The following RBFOX1 variants were observed in gnomAD, a reference collection of about 807,000 sequenced individuals.
The protein encoded by RBFOX1 is RNA binding protein fox-1 homolog 1.
Under a neutral mutation model 57.7 loss-of-function variants are expected in RBFOX1, and 8 were observed. The observed-to-expected ratio is 0.14, with a 90% CI of 0.08 to 0.25. The LOEUF is 0.25. Ranked by LOEUF, RBFOX1 falls within the 10% of genes least tolerant of loss-of-function variation. The pLI is 1.00. For synonymous variants in RBFOX1, 326 were observed against 222.4 expected (o/e 1.47, Z -4.15); for missense variants, 611 against 548.5 (o/e 1.11, Z -1.14).
intron 4 of RBFOX1, among the ~76,000 whole-genome samples, chr16:7,157,077 T>C (rs1255218099): frequency 6.6e-6 from 1 of 152,198 alleles, no homozygotes; most frequent in Non-Finnish European, 1.5e-5. Flanking sequence ...TTGATTATGC[T>C]ACTAAATATT....
intron 4 of RBFOX1, among the ~76,000 whole-genome samples, chr16:7,486,988 C>G (rs572743609): frequency 1.6e-3 from 250 of 152,278 alleles, no homozygotes; most frequent in African/African-American, 5.8e-3. Flanking sequence ...CAACCTCTGC[C>G]TCCCGGGTTC....
intron 3 of RBFOX1, among the ~76,000 whole-genome samples, chr16:7,031,779 A>T (rs995492273): frequency 6.6e-6 from 1 of 152,232 alleles, no homozygotes; most frequent in South Asian, 2.1e-4. Context: ...CACTGCAGAG[A>T]AGATGCAGAT....
chr16:7,513,888 A>C (rs1045495188), intron 4 of RBFOX1, among the ~76,000 whole-genome samples: 1 of 152,186 alleles, frequency 6.6e-6, no homozygotes, highest in Non-Finnish European at 1.5e-5. Flanking sequence ...TAAATTCCCC[A>C]AAAGATTCTG....
rs140384501 is a variant in RBFOX1, at chr16:5,760,228, A to G, written c.319-107075A>G. Among the ~76,000 whole-genome samples, 6 of 152,286 alleles carry G rather than the reference A, an allele frequency of 3.9e-5. No homozygotes were observed. The East Asian group carries it at 5.8e-4, about 15-fold the overall frequency. On this transcript the variant is annotated intron_variant, in intron 3 of 19. Transcript: ENST00000641259. ...CACATTCTGGAGAAACTGGAAATCT[A>G]TGGTCCCAGGCAAACAGAGACAGTT...
At chr16:7,308,228 G>T (rs1375034313) in intron 4 of RBFOX1, among the ~76,000 whole-genome samples, 8 of 151,400 alleles carry the variant, frequency 5.3e-5, no homozygotes, top group Non-Finnish European at 1.0e-4. Flanking sequence ...GTATGGTGAG[G>T]CAACAGACAG....
chr16:7,528,560 C>A (rs191786327), intron 5 of RBFOX1, among the ~76,000 whole-genome samples: 1 of 152,132 alleles, frequency 6.6e-6, no homozygotes, highest in Admixed American at 6.5e-5. Flanking sequence ...TCACTGCAGC[C>A]TGAAACTCCT....
intron 3 of RBFOX1, among the ~76,000 whole-genome samples, chr16:6,963,287 CTT>C (rs961691264): frequency 1.3e-5 from 2 of 148,882 alleles, no homozygotes; most frequent in South Asian, 2.1e-4. Flanking sequence ...TCAACAGTGA[CTT>C]TTTTTTTTGT....
chr16:6,306,151 G>A (rs114540044), intron 1 of RBFOX1, among the ~76,000 whole-genome samples: 3,052 of 152,298 alleles, frequency 0.02, 104 homozygotes, highest in African/African-American at 0.068. Context: ...CCTGGTGGGA[G>A]AGACAGGTAC....
At chr16:5,677,979 G>A (rs2151429924) in intron 3 of RBFOX1, among the ~76,000 whole-genome samples, 1 of 152,354 alleles carries the variant, frequency 6.6e-6, no homozygotes, top group East Asian at 1.9e-4. Flanking sequence ...TCATGGTGGA[G>A]CACCGTGGGG....
At position 7,126,953 on chromosome 16, in the gene RBFOX1, G is replaced by T. The variant is rs375578890; in HGVS notation, c.27+74855G>T. On this transcript the variant is annotated intron_variant, in intron 4 of 15. Transcript: ENST00000550418. ...AAACCCGGGAGGCAGAGGTTGCAGT[G>T]AGCCAAGATCGCGCCACTACACTGC... Among the ~76,000 whole-genome samples, 7 of 149,568 alleles carry T rather than the reference G, an allele frequency of 4.7e-5. No individual in the cohort carries two copies. In the South Asian group the frequency reaches 1.1e-3, roughly 23 times the overall value.
chr16:6,522,109 T>C (rs2096511716), intron 2 of RBFOX1, among the ~76,000 whole-genome samples: 1 of 152,010 alleles, frequency 6.6e-6, no homozygotes, highest in African/African-American at 2.4e-5. Context: ...TGAATCAATT[T>C]CCAAAGATTA....
chr16:6,446,968 T>C (rs1237545293), intron 2 of RBFOX1, among the ~76,000 whole-genome samples: 1 of 152,190 alleles, frequency 6.6e-6, no homozygotes, highest in African/African-American at 2.4e-5. Flanking sequence ...GTGTTTTGCC[T>C]GTACTTTTCA....
At chr16:5,594,572 A>G (rs540179800) in intron 2 of RBFOX1, among the ~76,000 whole-genome samples, 2 of 152,328 alleles carry the variant, frequency 1.3e-5, no homozygotes, top group South Asian at 4.1e-4. Context: ...GCAGGAAGAC[A>G]GGGAGACACT....
intron 3 of RBFOX1, among the ~76,000 whole-genome samples, chr16:5,716,871 C>G (rs1182585293): frequency 6.6e-6 from 1 of 152,172 alleles, no homozygotes. Context: ...AGGACTCTGC[C>G]CCTAAAATGT....
chr16:5,581,165 A>G (rs1860304), intron 2 of RBFOX1, among the ~76,000 whole-genome samples: 126,117 of 152,000 alleles, frequency 0.83, 52,646 homozygotes, highest in East Asian at 0.93. Flanking sequence ...TCCTATGTGC[A>G]TTTTTTTTTC....
intron 3 of RBFOX1, among the ~76,000 whole-genome samples, chr16:6,684,865 C>T (rs1378680203): frequency 6.6e-6 from 1 of 152,178 alleles, no homozygotes; most frequent in Non-Finnish European, 1.5e-5. Flanking sequence ...AGTAATCCTT[C>T]ATGCAAAAGG....
chr16:7,209,314 G>A (rs1318268708), intron 4 of RBFOX1, among the ~76,000 whole-genome samples: 2 of 152,016 alleles, frequency 1.3e-5, no homozygotes, highest in Non-Finnish European at 2.9e-5. Context: ...CAGCGTAGGC[G>A]ACAAGAGCGA....
intron 6 of RBFOX1, among the ~76,000 whole-genome samples, chr16:7,583,724 T>C (rs1351824498): frequency 6.6e-6 from 1 of 152,140 alleles, no homozygotes. Flanking sequence ...CTTATACCTG[T>C]AATCCCAGCA....
intron 1 of RBFOX1, among the ~76,000 whole-genome samples, chr16:5,461,236 G>T (rs555126766): frequency 6.6e-6 from 1 of 152,292 alleles, no homozygotes; most frequent in South Asian, 2.1e-4. Context: ...GCATAGAGTG[G>T]TAACATCTGA....
Sources: allele counts gnomAD v4.1 joint callset (sites outside exome capture counted in the v4.1 genomes callset), GRCh38; gene constraint gnomAD v4.1.1; transcripts MANE v1.5; gene names NCBI Gene and HGNC (gene_info 2026-07-23, HGNC 2026-07-21).